Variants in NAPEPLD observed in about 807,000 individuals in gnomAD.
NAPEPLD encodes N-acyl phosphatidylethanolamine phospholipase D.
A neutral mutation model predicts 38.1 loss-of-function variants in NAPEPLD; 23 were observed. That is an observed-to-expected ratio of 0.60 (90% CI 0.43 to 0.86). The LOEUF (loss-of-function observed/expected upper bound fraction) is 0.86. Among genes scored for constraint, NAPEPLD ranks in the 40% least tolerant of loss-of-function variants. The probability of loss-of-function intolerance (pLI) is 0.00; values close to 1 mark genes in which losing one functional copy is unlikely to be tolerated. For missense variants in NAPEPLD, 411 were observed against 476.8 expected (o/e 0.86, Z 1.28); for synonymous variants, 147 against 162.0 (o/e 0.91, Z 0.71).
rs371976758 is a variant in NAPEPLD, at chr7:103,133,631, G to A, written c.-16-4839C>T. On this transcript the variant is annotated intron_variant, in intron 1 of 4. Transcript: ENST00000465647. ...AGGAATGAGGAAGAGTGGGTTGTCT[G>A]TATGGTCCTGTGTTAACTAGCTTTG... Among the ~76,000 whole-genome samples the A allele has an allele frequency of 1.1e-4, 16 of 152,302 alleles. No individual in the cohort carries two copies. In the East Asian group the frequency reaches 1.7e-3, roughly 17 times the overall value.
At chr7:103,117,450 A>G (rs1301232228) in intron 3 of NAPEPLD, among the ~76,000 whole-genome samples, 1 of 152,198 alleles carries the variant, frequency 6.6e-6, no homozygotes, top group Non-Finnish European at 1.5e-5. Flanking sequence ...TTTTACTGTG[A>G]TATAACAATT....
chr7:103,135,473 T>C (rs1328438113), intron 1 of NAPEPLD, among the ~76,000 whole-genome samples: 1 of 152,160 alleles, frequency 6.6e-6, no homozygotes, highest in South Asian at 2.1e-4. Flanking sequence ...GGAAGTACAC[T>C]GGATAATAAG....
intron 4 of NAPEPLD, among the ~76,000 whole-genome samples, chr7:103,114,308 T>C (rs1805154745): frequency 6.6e-6 from 1 of 152,202 alleles, no homozygotes; most frequent in South Asian, 2.1e-4. Flanking sequence ...GGCAGAGTTC[T>C]AGGGTCCATC....
intron 3 of NAPEPLD, among the ~76,000 whole-genome samples, chr7:103,116,233 T>C (rs1805548080): frequency 6.6e-6 from 1 of 152,054 alleles, no homozygotes; most frequent in South Asian, 2.1e-4. Context: ...GGCTAATTTT[T>C]TGTATTTTTA....
At chr7:103,135,436 G>T (rs10233506) in intron 1 of NAPEPLD, among the ~76,000 whole-genome samples, 1 of 152,154 alleles carries the variant, frequency 6.6e-6, no homozygotes, top group African/African-American at 2.4e-5. Flanking sequence ...TAGGGAACCA[G>T]TGGGAGGGCA....
At chr7:103,122,900 T>C (rs1279194525) in intron 2 of NAPEPLD, among the ~76,000 whole-genome samples, 1 of 152,120 alleles carries the variant, frequency 6.6e-6, no homozygotes, top group African/African-American at 2.4e-5. Context: ...ATAACTTAAG[T>C]CTCCTCTGCT....
At chr7:103,149,400 T>G, upstream of NAPEPLD, 1 of 1,222,202 alleles carries the variant, frequency 8.2e-7, no homozygotes, top group Non-Finnish European at 1.0e-6. Flanking sequence ...CTCGGGTTCT[T>G]CCTAACCCGA....
chr7:103,114,933 G>T, intron 4 of NAPEPLD, 127 bp downstream of exon 4: 1 of 646,568 alleles, frequency 1.5e-6, no homozygotes, highest in Non-Finnish European at 2.7e-6. Context: ...CCTAATTCAT[G>T]CAGTGACTGT....
rs778607512 is a variant in NAPEPLD at position 103,119,818 on chromosome 7, C to G, written c.700G>C (p.Glu234Gln). 3 of 1,614,126 alleles carry G rather than the reference C, an allele frequency of 1.9e-6. No individual in the cohort carries two copies. Among genetic ancestry groups the G allele is most frequent in the Non-Finnish European group, 2.5e-6 (3 of 1,180,042 alleles). The change falls in exon 3 of 5, where the codon GAG becomes CAG. Residue 234 changes from glutamate to glutamine, a missense_variant. Glu to Gln is a conservative substitution (Grantham distance 29). Coordinates refer to ENST00000465647, the MANE Select transcript of NAPEPLD (RefSeq NM_001122838.3). ...TCATGTCCGGGGACACAATTCTCCT[C>G]CCACCAGTCCAACTCAATCACATTC... ...CENVIELDWW[E>Q]ENCVPGHDKV...
intron 1 of NAPEPLD, among the ~76,000 whole-genome samples, chr7:103,138,883 T>C (rs1563369931): frequency 6.6e-6 from 1 of 152,208 alleles, no homozygotes; most frequent in Non-Finnish European, 1.5e-5. Context: ...ATTCTAACAA[T>C]CTTCGGCTGC....
intron 2 of NAPEPLD, among the ~76,000 whole-genome samples, chr7:103,126,248 T>G (rs1459387585): frequency 6.6e-6 from 1 of 152,202 alleles, no homozygotes; most frequent in Non-Finnish European, 1.5e-5. Context: ...TCTCCAAGCA[T>G]GAATTTTGAG....
At chr7:103,133,543 C>T (rs4727561) in intron 1 of NAPEPLD, among the ~76,000 whole-genome samples, 135,878 of 152,176 alleles carry the variant, frequency 0.89, 62,649 homozygotes, top group East Asian at 1. Context: ...CACACAAGAA[C>T]GCTCCTCATG....
chr7:103,142,823 T>C (rs1305958137), intron 1 of NAPEPLD, among the ~76,000 whole-genome samples: 1 of 152,202 alleles, frequency 6.6e-6, no homozygotes, highest in Non-Finnish European at 1.5e-5. Context: ...TACAGTTAAT[T>C]GTTTTTTAAA....
chr7:103,103,272 T>C lies in NAPEPLD; in HGVS notation c.*157A>G, dbSNP rs766589772. 30 of 862,564 alleles carry C rather than the reference T, an allele frequency of 3.5e-5. No homozygotes were observed. Among genetic ancestry groups the C allele is most frequent in the Non-Finnish European group, 5.0e-5 (29 of 578,686 alleles). The allele number at this position is 862,564 out of a possible 1,614,324, so 53.4% of individuals were successfully genotyped here. ...CATAGTGTACATGAGCTGATCATAC[T>C]AGGAAGCAAGTTATTACACAAAACA... On this transcript the variant is annotated 3_prime_UTR_variant, in exon 5 of 5. Coordinates refer to ENST00000465647, the MANE Select transcript of NAPEPLD (RefSeq NM_001122838.3).
At chr7:103,121,517 T>C (rs1191192023) in intron 2 of NAPEPLD, among the ~76,000 whole-genome samples, 2 of 152,212 alleles carry the variant, frequency 1.3e-5, no homozygotes, top group Non-Finnish European at 2.9e-5. Context: ...CCAGAGCACC[T>C]GGCTTTGTCA....
In NAPEPLD at chr7:103,121,990, A is replaced by T. The variant is rs533438893; in HGVS notation, c.295-1767T>A. 1.1e-4 allele frequency among the ~76,000 whole-genome samples: 17 copies of T among 152,296 alleles called. No homozygotes were observed. The South Asian group carries it at 3.5e-3, about 32-fold the overall frequency. On this transcript the variant is annotated intron_variant, in intron 2 of 4. Coordinates refer to ENST00000465647, the MANE Select transcript of NAPEPLD (RefSeq NM_001122838.3). The stretch of plus-strand genomic sequence containing the variant: ...AGAAACCACCCAAGCAAAGGTACAG[A>T]GCCAAACAGGAATGTGGTGTTTGAG...
chr7:103,120,136 T>C lies in NAPEPLD; in HGVS notation c.382A>G (p.Thr128Ala). 1 of 1,614,222 alleles carries C rather than the reference T, an allele frequency of 6.2e-7. No individual in the cohort carries two copies. Among genetic ancestry groups the C allele is most frequent in the South Asian group, 1.1e-5 (1 of 91,088 alleles). ...AGVREAGLRV[T>A]WLGHATVMVE... ...ATTACCGTGGCATGTCCCAGCCATG[T>C]GACTCTTAAGCCAGCTTCCCTCACT... Residue 128 changes from threonine to alanine, a missense_variant, in exon 3 of 5, where the codon ACA becomes GCA. Thr to Ala is a moderately conservative substitution (Grantham distance 58). Transcript: ENST00000465647.
intron 1 of NAPEPLD, among the ~76,000 whole-genome samples, chr7:103,144,080 T>A (rs1243479789): frequency 6.6e-6 from 1 of 152,238 alleles, no homozygotes; most frequent in East Asian, 1.9e-4. Flanking sequence ...CAGAGTTTAA[T>A]AGCTTCCATA....
Position 103,101,268 on chromosome 7 carries a change from T to C in NAPEPLD, c.*2161A>G, listed in dbSNP as rs970026832. The stretch of plus-strand genomic sequence containing the variant: ...TCAGTCTTTTCAGGAAGGTTTATTT[T>C]ATGGGGGATTTTTTTGTGCTTTAGT... On this transcript the variant is annotated 3_prime_UTR_variant, in exon 5 of 5. Transcript: ENST00000465647. 6.6e-6 allele frequency: 1 copy of C among 152,152 alleles called. No homozygotes were observed. Among genetic ancestry groups the C allele is most frequent in the Non-Finnish European group, 1.5e-5 (1 of 68,022 alleles). The allele number at this position is 152,152 out of a possible 1,614,324, so 9.4% of individuals were successfully genotyped here. A position where few individuals can be genotyped will look rare whatever the true frequency, so the allele number is the denominator to read the frequency against.
Sources: allele counts gnomAD v4.1 joint callset (sites outside exome capture counted in the v4.1 genomes callset), GRCh38; gene constraint gnomAD v4.1.1; transcripts MANE v1.5; gene names NCBI Gene and HGNC (gene_info 2026-07-23, HGNC 2026-07-21).